Variants in CMC1 observed in about 807,000 individuals in gnomAD.
CMC1 encodes COX assembly mitochondrial protein homolog.
CMC1 carries 14 observed loss-of-function variants against 14.1 expected under a neutral mutation model. That is an observed-to-expected ratio of 0.99 (90% CI 0.66 to 1.55). CMC1 has a LOEUF of 1.55. Among genes scored for constraint, CMC1 ranks in the 40% most tolerant of loss-of-function variants. The pLI, the probability that CMC1 is intolerant of heterozygous loss-of-function variation, is 0.00. For missense variants in CMC1, 127 were observed against 123.8 expected (o/e 1.03, Z -0.12); for synonymous variants, 50 against 38.4 (o/e 1.30, Z -1.12).
chr3:28,277,898 T>C (rs1389234882), intron 2 of CMC1, among the ~76,000 whole-genome samples: 2 of 152,128 alleles, frequency 1.3e-5, no homozygotes, highest in Non-Finnish European at 1.5e-5. Context: ...TACTGAGGAC[T>C]TGTAGCTAGT....
intron 2 of CMC1, among the ~76,000 whole-genome samples, chr3:28,266,123 T>TA (rs1319877133): frequency 6.6e-6 from 1 of 152,216 alleles, no homozygotes; most frequent in Non-Finnish European, 1.5e-5. Flanking sequence ...GCTTACATGA[T>TA]ACCCTCTTTA....
chr3:28,309,821 C>CCCCACACA (rs748593868), intron 2 of CMC1, among the ~76,000 whole-genome samples: 1 of 131,792 alleles, frequency 7.6e-6, no homozygotes, highest in African/African-American at 3.0e-5. Context: ...CTGATATTTA[C>CCCCACACA]CACACACACA....
chr3:28,250,310 GGTCA>G (rs1699070131), intron 1 of CMC1, among the ~76,000 whole-genome samples: 1 of 152,134 alleles, frequency 6.6e-6, no homozygotes, highest in African/African-American at 2.4e-5. Context: ...TAGTGCTGGA[GGTCA>G]GGAAGAACTT....
intron 2 of CMC1, among the ~76,000 whole-genome samples, chr3:28,308,289 A>G (rs1702438963): frequency 6.6e-6 from 1 of 152,216 alleles, no homozygotes; most frequent in South Asian, 2.1e-4. Context: ...AAAAGAAAAG[A>G]AAAAGCTACT....
chr3:28,324,283 T>C lies in CMC1; in HGVS notation c.*4654T>C. 1 of 1,608,862 alleles carries C rather than the reference T, an allele frequency of 6.2e-7. No individual in the cohort carries two copies. The highest frequency in any genetic ancestry group is 8.5e-7 in the Non-Finnish European group (1 of 1,176,512). On this transcript the variant is annotated 3_prime_UTR_variant, in exon 4 of 4. Coordinates refer to ENST00000466830, the MANE Select transcript of CMC1 (RefSeq NM_182523.2). The stretch of plus-strand genomic sequence containing the variant: ...GTCTGTCCATGATTGGAGGATTGCT[T>C]TCTCTGATAAAACCTTTACATCTCC...
intron 1 of CMC1, among the ~76,000 whole-genome samples, chr3:28,262,631 C>T (rs2125460082): frequency 6.6e-6 from 1 of 152,234 alleles, no homozygotes; most frequent in Non-Finnish European, 1.5e-5. Flanking sequence ...ATCTAATCTG[C>T]CTTTTTTTCT....
intron 2 of CMC1, among the ~76,000 whole-genome samples, chr3:28,281,908 G>A (rs2125520866): frequency 6.6e-6 from 1 of 152,210 alleles, no homozygotes; most frequent in African/African-American, 2.4e-5. Flanking sequence ...CAGCAGCAAA[G>A]AGATTGACCT....
intron 2 of CMC1, among the ~76,000 whole-genome samples, chr3:28,272,071 T>A (rs1331707547): frequency 6.6e-6 from 1 of 152,170 alleles, no homozygotes; most frequent in East Asian, 1.9e-4. Flanking sequence ...GCACATTGAT[T>A]TTGTATCCTG....
intron 2 of CMC1, among the ~76,000 whole-genome samples, chr3:28,277,033 T>C (rs917238259): frequency 6.6e-6 from 1 of 152,250 alleles, no homozygotes; most frequent in Admixed American, 6.5e-5. Flanking sequence ...TAGGTGACAG[T>C]TGCAGCCTAG....
intron 2 of CMC1, among the ~76,000 whole-genome samples, chr3:28,312,177 C>T (rs1702669307): frequency 6.6e-6 from 1 of 152,062 alleles, no homozygotes; most frequent in Non-Finnish European, 1.5e-5. Flanking sequence ...CCAAATATGC[C>T]TTTGCTTTTT....
chr3:28,317,271 T>C (rs1180685144), intron 3 of CMC1: 1 of 152,070 alleles, frequency 6.6e-6, no homozygotes, highest in Non-Finnish European at 1.5e-5. Context: ...GAAAAGACTT[T>C]AGAGATTATG....
intron 2 of CMC1, among the ~76,000 whole-genome samples, chr3:28,311,644 T>C (rs1216138831): frequency 6.6e-6 from 1 of 152,214 alleles, no homozygotes; most frequent in Non-Finnish European, 1.5e-5. Context: ...GAAGGGATGA[T>C]GATTACTGAG....
At chr3:28,285,992 C>T (rs1204742622) in intron 2 of CMC1, among the ~76,000 whole-genome samples, 3 of 152,088 alleles carry the variant, frequency 2.0e-5, no homozygotes, top group Non-Finnish European at 2.9e-5. Flanking sequence ...GCCTTGATCT[C>T]CTGACCTCGT....
At chr3:28,307,326 C>G (rs1368252265) in intron 2 of CMC1, among the ~76,000 whole-genome samples, 1 of 152,074 alleles carries the variant, frequency 6.6e-6, no homozygotes, top group Non-Finnish European at 1.5e-5. Flanking sequence ...GAGTTCAAGA[C>G]CAGCCTGTGC....
At position 28,320,618 on chromosome 3, in the gene CMC1, T is replaced by C. The variant is rs1434583555; in HGVS notation, c.*989T>C. Reference sequence around the variant, plus strand: ...ATAGATAAGGAGATACCTACTTATATGAATTAATTTTACTTACATCTTTGA... The same window carrying C: ...ATAGATAAGGAGATACCTACTTATACGAATTAATTTTACTTACATCTTTGA... On this transcript the variant is annotated 3_prime_UTR_variant, in exon 4 of 4. Transcript: ENST00000466830. 1.3e-5 allele frequency: 2 copies of C among 151,094 alleles called. No homozygotes were observed. The highest frequency in any genetic ancestry group is 3.0e-5 in the Non-Finnish European group (2 of 67,478). 9.4% of individuals were successfully genotyped at this position (151,094 alleles called of 1,614,324 possible). A position where few individuals can be genotyped will look rare whatever the true frequency, so the allele number is the denominator to read the frequency against.
At chr3:28,303,844 A>G (rs1225314728) in intron 2 of CMC1, among the ~76,000 whole-genome samples, 2 of 152,156 alleles carry the variant, frequency 1.3e-5, no homozygotes, top group African/African-American at 2.4e-5. Context: ...GCTTTGCTGA[A>G]TGATTATTTT....
chr3:28,310,057 G>A (rs1250498721), intron 2 of CMC1, among the ~76,000 whole-genome samples: 1 of 151,734 alleles, frequency 6.6e-6, no homozygotes, highest in Non-Finnish European at 1.5e-5. Flanking sequence ...TTCATCTCCA[G>A]ACCTTCTGTG....
chr3:28,303,490 G>A (rs990180602), intron 2 of CMC1, among the ~76,000 whole-genome samples: 6 of 152,084 alleles, frequency 3.9e-5, no homozygotes, highest in East Asian at 3.9e-4. Flanking sequence ...ATGAAACCCC[G>A]AAGTTTTGTT....
intron 2 of CMC1, among the ~76,000 whole-genome samples, chr3:28,304,313 T>C (rs1305322752): frequency 6.6e-6 from 1 of 152,084 alleles, no homozygotes; most frequent in African/African-American, 2.4e-5. Context: ...ATTTTTTTTT[T>C]CATTTTCTGC....
Sources: allele counts gnomAD v4.1 joint callset (sites outside exome capture counted in the v4.1 genomes callset), GRCh38; gene constraint gnomAD v4.1.1; transcripts MANE v1.5; gene names NCBI Gene and HGNC (gene_info 2026-07-23, HGNC 2026-07-21).